BTRC: variants seen among roughly 807,000 people sequenced by gnomAD.
The protein encoded by BTRC is F-box/WD repeat-containing protein 1A.
A neutral mutation model predicts 85.5 loss-of-function variants in BTRC; 42 were observed. The ratio of observed to expected loss-of-function variants is 0.49; its 90% CI spans 0.38 to 0.64. The LOEUF (loss-of-function observed/expected upper bound fraction) is 0.64, where lower values mean the gene tolerates loss of function less well. Among genes scored for constraint, BTRC ranks in the 30% least tolerant of loss-of-function variants. The pLI is 0.00. For missense variants in BTRC, 594 were observed against 743.5 expected (o/e 0.80, Z 2.34); for synonymous variants, 255 against 263.3 (o/e 0.97, Z 0.30).
intron 4 of BTRC, among the ~76,000 whole-genome samples, chr10:101,507,019 A>G (rs988847156): frequency 2.0e-5 from 3 of 152,226 alleles, no homozygotes; most frequent in Middle Eastern, 3.2e-3. Flanking sequence ...TTTTATGCCT[A>G]TATATGCTGA....
chr10:101,360,400 G>A (rs1475434679), intron 1 of BTRC, among the ~76,000 whole-genome samples: 2 of 130,216 alleles, frequency 1.5e-5, no homozygotes, highest in African/African-American at 5.8e-5. Flanking sequence ...TTGAGATGGA[G>A]TCTTGCTCTG....
intron 3 of BTRC, among the ~76,000 whole-genome samples, chr10:101,474,440 TC>T (rs1394421838): frequency 1.3e-5 from 2 of 152,096 alleles, no homozygotes; most frequent in Non-Finnish European, 2.9e-5. Context: ...AAACTCTTTC[TC>T]CCCCCATGAG....
At chr10:101,541,761 C>T (rs924922615) in intron 13 of BTRC, among the ~76,000 whole-genome samples, 1 of 152,036 alleles carries the variant, frequency 6.6e-6, no homozygotes, top group African/African-American at 2.4e-5. Flanking sequence ...AAATCCTTTG[C>T]ATTGCTGGTA....
chr10:101,412,950 AT>A (rs1412175991), intron 1 of BTRC, among the ~76,000 whole-genome samples: 1 of 152,252 alleles, frequency 6.6e-6, no homozygotes, highest in African/African-American at 2.4e-5. Flanking sequence ...GTAACAAAAA[AT>A]GATAACCCTT....
intron 8 of BTRC, 131 bp from the exon 9 acceptor site, chr10:101,532,821 C>T (rs1220427295): frequency 9.7e-6 from 6 of 616,482 alleles, no homozygotes; most frequent in Non-Finnish European, 1.7e-5. Flanking sequence ...CTTAGCTATA[C>T]CTATAGAAAA....
At chr10:101,546,454 A>G (rs995006839) in intron 13 of BTRC, among the ~76,000 whole-genome samples, 5 of 152,164 alleles carry the variant, frequency 3.3e-5, no homozygotes, top group South Asian at 2.1e-4. Flanking sequence ...GTAGGTTTAT[A>G]TATTTATGGG....
chr10:101,437,619 C>A (rs1944565553), intron 2 of BTRC, among the ~76,000 whole-genome samples: 1 of 152,198 alleles, frequency 6.6e-6, no homozygotes, highest in Non-Finnish European at 1.5e-5. Context: ...TATCATATTG[C>A]TCAAATTCTA....
rs2062417836 is a variant in BTRC at position 101,538,349 on chromosome 10, C to T, written c.1634C>T (p.Thr545Ile). Residue 545 changes from threonine (T) to isoleucine (I), a missense_variant, in exon 13 of 15, where the codon ACA (threonine) becomes ATA (isoleucine). Transcript: ENST00000370187. ...AALDPRAPAG[T>I]LCLRTLVEHS... ...TTGGACCCCCGTGCTCCTGCAGGGA[C>T]ACTCTGTCTACGGACCCTTGTGGTA... is the stretch of plus-strand genomic sequence containing the variant. The T allele has an allele frequency of 6.2e-7, 1 of 1,613,926 alleles. No individual in the cohort carries two copies. Among genetic ancestry groups the T allele is most frequent in the Non-Finnish European group, 8.5e-7 (1 of 1,179,822 alleles).
At chr10:101,482,217 C>T (rs1463485233) in intron 4 of BTRC, among the ~76,000 whole-genome samples, 4 of 151,788 alleles carry the variant, frequency 2.6e-5, no homozygotes, top group East Asian at 1.9e-4. Flanking sequence ...GACAGGGTTT[C>T]GCCATGTTGG....
At chr10:101,379,378 G>GA (rs1482822166) in intron 1 of BTRC, among the ~76,000 whole-genome samples, 2 of 152,104 alleles carry the variant, frequency 1.3e-5, no homozygotes, top group Non-Finnish European at 2.9e-5. Context: ...ATGTCTTGTG[G>GA]AAAAATATAA....
chr10:101,553,028 G>T (rs1484275812), intron 14 of BTRC, 127 bp from the exon 15 acceptor site: 1 of 152,342 alleles, frequency 6.6e-6, no homozygotes, highest in Non-Finnish European at 1.5e-5. Flanking sequence ...CATAGGCAGA[G>T]AGCAGGCATT....
intron 1 of BTRC, among the ~76,000 whole-genome samples, chr10:101,366,747 G>T (rs1942386813): frequency 8.0e-6 from 1 of 125,038 alleles, no homozygotes; most frequent in Admixed American, 1.1e-4. Context: ...GAGGCCCAGG[G>T]AGTTTGGACT....
At chr10:101,474,950 T>G (rs1425267362) in intron 3 of BTRC, among the ~76,000 whole-genome samples, 3 of 152,236 alleles carry the variant, frequency 2.0e-5, no homozygotes, top group African/African-American at 7.2e-5. Context: ...CGGAACTCTT[T>G]GAGTCAAGTT....
Position 101,501,030 on chromosome 10 carries a change from A to C in BTRC, c.325-20609A>C, listed in dbSNP as rs1425994826. Among the ~76,000 whole-genome samples, 4 of 152,136 alleles carry C rather than the reference A, an allele frequency of 2.6e-5. No individual in the cohort carries two copies. In the East Asian group the frequency reaches 7.7e-4, roughly 29 times the overall value. On this transcript the variant is annotated intron_variant, in intron 4 of 14. Coordinates refer to ENST00000370187, the MANE Select transcript of BTRC (RefSeq NM_033637.4). ...GCCAACATGGCAAAACCCCGCCTCC[A>C]CTAAAAATACAAAAAATTAGCCAGG...
chr10:101,430,063 T>C (rs1203295264), intron 1 of BTRC, among the ~76,000 whole-genome samples: 1 of 152,212 alleles, frequency 6.6e-6, no homozygotes, highest in East Asian at 1.9e-4. Flanking sequence ...AGATTTCCTT[T>C]AGACTGATAC....
intron 13 of BTRC, among the ~76,000 whole-genome samples, chr10:101,547,472 C>T (rs2062577702): frequency 6.6e-6 from 1 of 150,896 alleles, no homozygotes; most frequent in African/African-American, 2.4e-5. Context: ...TCCTGAGTAG[C>T]TGGGATTACG....
At chr10:101,453,377 C>A (rs574541400) in intron 2 of BTRC, 1 of 152,088 alleles carries the variant, frequency 6.6e-6, no homozygotes, top group Non-Finnish European at 1.5e-5. Flanking sequence ...TAGAATTATC[C>A]CAGTTACAGA....
In BTRC at chr10:101,553,168, T is replaced by C. The variant is rs200882711; in HGVS notation, c.*45T>C. ...GTTTTCACACAGGACCCATTAAAGT[T>C]GCGGTATTTAACGTATCTGCCAATA... On this transcript the variant is annotated 3_prime_UTR_variant, in exon 15 of 15. Transcript: ENST00000370187. 6.6e-6 allele frequency: 1 copy of C among 152,618 alleles called. No individual in the cohort carries two copies. The highest frequency in any genetic ancestry group is 1.9e-4 in the East Asian group (1 of 5,196). The allele number at this position is 152,618 out of a possible 1,614,324, so 9.5% of individuals were successfully genotyped here. A position where few individuals can be genotyped will look rare whatever the true frequency, so the allele number is the denominator to read the frequency against.
intron 1 of BTRC, among the ~76,000 whole-genome samples, chr10:101,363,308 A>G (rs950265150): frequency 1.3e-5 from 2 of 152,206 alleles, no homozygotes; most frequent in Non-Finnish European, 1.5e-5. Context: ...ACTTACGTGC[A>G]GTATACTTCC....
Sources: allele counts gnomAD v4.1 joint callset (sites outside exome capture counted in the v4.1 genomes callset), GRCh38; gene constraint gnomAD v4.1.1; transcripts MANE v1.5; gene names NCBI Gene and HGNC (gene_info 2026-07-23, HGNC 2026-07-21).